Variants in DHRS4L2 observed in about 807,000 individuals in gnomAD.
DHRS4L2 encodes the protein dehydrogenase/reductase SDR family member 4-like 2.
DHRS4L2 carries 22 observed loss-of-function variants against 23.9 expected under a neutral mutation model. The observed-to-expected ratio is 0.92, with a 90% CI of 0.66 to 1.31. The LOEUF is 1.31. Ranked by LOEUF, DHRS4L2 falls within the 40% of genes most tolerant of loss-of-function variation. The pLI, the probability that DHRS4L2 is intolerant of heterozygous loss-of-function variation, is 0.00. For missense variants in DHRS4L2, 385 were observed against 303.3 expected (o/e 1.27, Z -2.00); for synonymous variants, 141 against 123.7 (o/e 1.14, Z -0.93).
Position 23,990,100 on chromosome 14 carries a change from G to T in DHRS4L2, c.129-82G>T, listed in dbSNP as rs563893043. On this transcript the variant is annotated intron_variant, in intron 1 of 7. Coordinates refer to ENST00000335125, the MANE Select transcript of DHRS4L2 (RefSeq NM_198083.4). ...GAGAAAGAGCCAGAATTCAAACCCGGGCAGTCTTAACTTCAGAGCCCATGC... is the reference window on the plus strand; with the variant it reads ...GAGAAAGAGCCAGAATTCAAACCCGTGCAGTCTTAACTTCAGAGCCCATGC... 52 of 1,571,352 alleles carry T rather than the reference G, an allele frequency of 3.3e-5. 1 individual carries two copies. The Admixed American group carries it at 1.0e-3, about 30-fold the overall frequency.
At position 23,975,169 on chromosome 14, in the gene DHRS4L2, C is replaced by T. The variant is rs372204776; in HGVS notation, c.-176+4837C>T. ...TGTCTCTGTTTGCAGATGATTTCAC[C>T]GTATATTTAGAAACCCCATGATCTC... On this transcript the variant is annotated intron_variant, in intron 1 of 5. Coordinates refer to the DHRS4L2 transcript ENST00000534993. Among the ~76,000 whole-genome samples the T allele has an allele frequency of 5.9e-5, 9 of 151,574 alleles. No individual in the cohort carries two copies. The South Asian group carries it at 1.0e-3, about 18-fold the overall frequency.
chr14:23,992,083 T>C (rs2034282292), intron 2 of DHRS4L2, among the ~76,000 whole-genome samples: 1 of 151,660 alleles, frequency 6.6e-6, no homozygotes, highest in Non-Finnish European at 1.5e-5. Context: ...ATATGGCCTC[T>C]TAAAAGGATA....
intron 1 of DHRS4L2, among the ~76,000 whole-genome samples, chr14:23,972,577 G>C (rs1312221111): frequency 2.0e-5 from 3 of 151,892 alleles, no homozygotes; most frequent in Admixed American, 2.0e-4. Flanking sequence ...TGCTTGAAGG[G>C]GTGGCTTGCC....
intron 3 of DHRS4L2, among the ~76,000 whole-genome samples, chr14:23,997,939 C>T (rs906398678): frequency 6.6e-6 from 1 of 151,854 alleles, no homozygotes; most frequent in African/African-American, 2.4e-5. Context: ...AGAGGAATCA[C>T]TATCCATGGC....
At chr14:23,971,887 G>C (rs374383754) in intron 1 of DHRS4L2, among the ~76,000 whole-genome samples, 1 of 152,018 alleles carries the variant, frequency 6.6e-6, no homozygotes, top group East Asian at 1.9e-4. Flanking sequence ...ATACGAAATT[G>C]TAAAGACCAT....
intron 1 of DHRS4L2, among the ~76,000 whole-genome samples, chr14:23,971,460 AT>A (rs1273080683): frequency 1.3e-5 from 2 of 152,100 alleles, no homozygotes. Context: ...AGACAAAAAA[AT>A]AAAAAAGAAA....
chr14:23,971,238 A>G (rs2138499268), intron 1 of DHRS4L2, among the ~76,000 whole-genome samples: 1 of 152,122 alleles, frequency 6.6e-6, no homozygotes, highest in Non-Finnish European at 1.5e-5. Context: ...CATTACAAGG[A>G]AGCTAAAAAC....
upstream of DHRS4L2, chr14:23,988,864 G>A (rs1259682322): frequency 7.2e-6 from 11 of 1,525,510 alleles, 1 homozygote; most frequent in Non-Finnish European, 9.7e-6. Flanking sequence ...AGGCAGGGAA[G>A]CGGCCCGCCC....
intron 1 of DHRS4L2, 122 bp from the exon 2 acceptor site, chr14:23,990,060 C>G (rs1399948903): frequency 3.4e-6 from 5 of 1,463,566 alleles, no homozygotes; most frequent in Non-Finnish European, 4.6e-6. Context: ...AGTAGGCACA[C>G]GTAGGAGTTA....
rs141795378 is a variant in DHRS4L2 at position 24,001,386 on chromosome 14, C to T, written c.534C>T (p.Gly178=). The part of the protein sequence containing the change: ...SSIAAFSPSP[G]FSPYNVSKTA... ...AACACATTCTCTTCTTTCTCCAGGG[C>T]TTCAGTCCTTACAATGTCAGTAAAA... The change falls in exon 6 of 8, where the codon GGC becomes GGT. Residue 178 remains glycine, a splice_region_variant and synonymous_variant. Coordinates refer to ENST00000335125, the MANE Select transcript of DHRS4L2 (RefSeq NM_198083.4). 6.2e-7 allele frequency: 1 copy of T among 1,606,418 alleles called. No individual in the cohort carries two copies. Among genetic ancestry groups the T allele is most frequent in the African/African-American group, 1.4e-5 (1 of 70,714 alleles).
chr14:23,995,266 G>A, intron 3 of DHRS4L2, 133 bp downstream of exon 3: 3 of 1,046,272 alleles, frequency 2.9e-6, no homozygotes, highest in East Asian at 2.4e-5. Context: ...CACACCTGGA[G>A]CACACCTTGC....
intron 3 of DHRS4L2, among the ~76,000 whole-genome samples, chr14:23,997,916 G>C (rs989222336): frequency 6.6e-6 from 1 of 151,732 alleles, no homozygotes; most frequent in Non-Finnish European, 1.5e-5. Flanking sequence ...AGTTAACTTT[G>C]CCAACATCCA....
chr14:23,994,643 A>T (rs1336918944), intron 2 of DHRS4L2, among the ~76,000 whole-genome samples: 1 of 151,696 alleles, frequency 6.6e-6, no homozygotes, highest in Admixed American at 6.6e-5. Flanking sequence ...AGCTGAGAAC[A>T]TGCCACTGTG....
upstream of DHRS4L2, among the ~76,000 whole-genome samples, chr14:23,984,953 C>T (rs921578554): frequency 1.3e-5 from 2 of 151,352 alleles, no homozygotes; most frequent in Non-Finnish European, 2.9e-5. Context: ...GGGCCCTGAG[C>T]TTCTATACCC....
At chr14:23,980,851 C>G (rs1308886154) in intron 1 of DHRS4L2, among the ~76,000 whole-genome samples, 1 of 151,672 alleles carries the variant, frequency 6.6e-6, no homozygotes, top group Non-Finnish European at 1.5e-5. Context: ...CAACATCATA[C>G]TGAGTGGGCA....
At chr14:23,983,038 G>A (rs1353780246) in intron 1 of DHRS4L2, among the ~76,000 whole-genome samples, 1 of 151,572 alleles carries the variant, frequency 6.6e-6, no homozygotes, top group African/African-American at 2.4e-5. Flanking sequence ...AATTGGACCT[G>A]ATTAAACTAA....
intron 4 of DHRS4L2, 48 bp from the exon 5 acceptor site, chr14:24,000,985 G>C (rs2034475584): frequency 3.1e-6 from 5 of 1,611,450 alleles, no homozygotes; most frequent in Non-Finnish European, 2.5e-6. Flanking sequence ...CACAGGCTGA[G>C]GGCAGTGGTC....
At chr14:23,976,540 CTG>C (rs1044744663) in intron 1 of DHRS4L2, among the ~76,000 whole-genome samples, 1 of 151,752 alleles carries the variant, frequency 6.6e-6, no homozygotes, top group African/African-American at 2.4e-5. Context: ...GTGGAAGACA[CTG>C]TGGCCATTCC....
intron 6 of DHRS4L2, among the ~76,000 whole-genome samples, 184 bp from the exon 7 acceptor site, chr14:24,004,153 C>T (rs1423160175): frequency 3.4e-5 from 5 of 146,104 alleles, no homozygotes; most frequent in African/African-American, 1.3e-4. Flanking sequence ...GCCTGTAATC[C>T]CAGCTACTCG....
Sources: allele counts gnomAD v4.1 joint callset (sites outside exome capture counted in the v4.1 genomes callset), GRCh38; gene constraint gnomAD v4.1.1; transcripts MANE v1.5; gene names NCBI Gene and HGNC (gene_info 2026-07-23, HGNC 2026-07-21).